The following WIPF2 variants were observed in gnomAD, a reference collection of about 807,000 sequenced individuals.
WIPF2 encodes WAS/WASL-interacting protein family member 2.
A neutral mutation model predicts 38.8 loss-of-function variants in WIPF2; 23 were observed. The ratio of observed to expected loss-of-function variants is 0.59; its 90% CI spans 0.43 to 0.84. The LOEUF is 0.84. Ranked by LOEUF, WIPF2 falls within the 40% of genes least tolerant of loss-of-function variation. The pLI is 0.00. For missense variants in WIPF2, 574 were observed against 580.5 expected (o/e 0.99, Z 0.11); for synonymous variants, 210 against 223.2 (o/e 0.94, Z 0.53).
intron 2 of WIPF2, among the ~76,000 whole-genome samples, chr17:40,259,404 C>T (rs1273584598): frequency 6.7e-6 from 1 of 150,050 alleles, no homozygotes; most frequent in African/African-American, 2.5e-5. Context: ...CACTGTGCTC[C>T]AGCCTGGATG....
chr17:40,221,597 T>A (rs2030242393), intron 1 of WIPF2, among the ~76,000 whole-genome samples: 2 of 150,782 alleles, frequency 1.3e-5, no homozygotes, highest in African/African-American at 4.9e-5. Context: ...GTTTGTTTGT[T>A]TAAGACGGAG....
intron 1 of WIPF2, chr17:40,220,618 T>TATATATATATAC (rs2030182395): frequency 8.9e-6 from 1 of 112,666 alleles, no homozygotes; most frequent in Non-Finnish European, 1.8e-5. Flanking sequence ...TATATATATA[T>TATATATATATAC]GTATATATAT....
intron 1 of WIPF2, among the ~76,000 whole-genome samples, chr17:40,231,485 GC>G (rs2145291489): frequency 6.6e-6 from 1 of 150,592 alleles, no homozygotes; most frequent in African/African-American, 2.4e-5. Flanking sequence ...GAGTGCAGTG[GC>G]ACGATCTCAG....
intron 1 of WIPF2, among the ~76,000 whole-genome samples, chr17:40,247,498 C>T (rs531645636): frequency 1.0e-4 from 15 of 149,072 alleles, no homozygotes; most frequent in African/African-American, 3.0e-4. Context: ...GGATTACGGG[C>T]GTGAGCCAAC....
intron 1 of WIPF2, among the ~76,000 whole-genome samples, chr17:40,242,895 A>AT (rs1358956548): frequency 6.6e-6 from 1 of 151,828 alleles, no homozygotes; most frequent in Non-Finnish European, 1.5e-5. Context: ...GGATAATGAG[A>AT]TTTTTTCTTT....
chr17:40,261,985 C>T (rs560039353), intron 3 of WIPF2, among the ~76,000 whole-genome samples: 149 of 151,904 alleles, frequency 9.8e-4, no homozygotes, highest in Middle Eastern at 3.4e-3. Flanking sequence ...TGGCTTCACT[C>T]GTTCTTTCTC....
At chr17:40,223,320 G>A (rs1038658644) in intron 1 of WIPF2, among the ~76,000 whole-genome samples, 8 of 152,000 alleles carry the variant, frequency 5.3e-5, no homozygotes, top group Admixed American at 5.2e-4. Flanking sequence ...TGTATTTTTA[G>A]TAGAGACAGG....
At chr17:40,232,381 G>T (rs924298471) in intron 1 of WIPF2, among the ~76,000 whole-genome samples, 1 of 151,056 alleles carries the variant, frequency 6.6e-6, no homozygotes, top group Non-Finnish European at 1.5e-5. Context: ...GTAGAGACAG[G>T]GTTTCACCAT....
At chr17:40,259,363 A>G (rs985322623) in intron 2 of WIPF2, among the ~76,000 whole-genome samples, 3 of 151,022 alleles carry the variant, frequency 2.0e-5, no homozygotes, top group African/African-American at 7.3e-5. Context: ...GGAACCCAGG[A>G]GGTGGAGCTT....
Position 40,237,376 on chromosome 17 carries a change from G to A in WIPF2, c.-70+17884G>A, listed in dbSNP as rs574388885. 1.0e-3 allele frequency among the ~76,000 whole-genome samples: 154 copies of A among 151,740 alleles called. 1 individual carries two copies. The highest frequency in any genetic ancestry group is 3.6e-3 in the African/African-American group (150 of 41,404). ...CTGCCTCAGCCTCCTAAGTAGCTAG[G>A]ATTACAGGCGTGCGCCACAACGCCC... On this transcript the variant is annotated intron_variant, in intron 1 of 7. Coordinates refer to ENST00000323571, the MANE Select transcript of WIPF2 (RefSeq NM_133264.5).
intron 1 of WIPF2, among the ~76,000 whole-genome samples, chr17:40,222,701 G>A (rs71371412): frequency 3.0e-5 from 3 of 100,774 alleles, no homozygotes; most frequent in Non-Finnish European, 5.4e-5. Context: ...ACAGAGTTTC[G>A]CTCCTGCTGC....
rs930602459 is a variant in WIPF2, at chr17:40,219,394, G to GCGGCGGCGA, written c.-163_-162insGCGACGGCG. 20 of 416,582 alleles carry GCGGCGGCGA rather than the reference G, an allele frequency of 4.8e-5. No individual in the cohort carries two copies. The highest frequency in any genetic ancestry group is 1.1e-4 in the Admixed American group (3 of 26,546). The allele number at this position is 416,582 out of a possible 1,614,324, so 25.8% of individuals were successfully genotyped here. On this transcript the variant is annotated 5_prime_UTR_variant, in exon 1 of 8. Coordinates refer to ENST00000323571, the MANE Select transcript of WIPF2 (RefSeq NM_133264.5). ...GGCGGCGGCGGCGGCGGCGGCGGCG[G>GCGGCGGCGA]CGGCGACGGCGAGAAAGAGCTTGCC...
rs142602525 is a variant in WIPF2 at position 40,257,135 on chromosome 17, C to T, written c.63+613C>T. Among the ~76,000 whole-genome samples the T allele has an allele frequency of 2.7e-3, 412 of 152,158 alleles. 2 individuals are homozygous for T. The highest frequency in any genetic ancestry group is 9.3e-3 in the African/African-American group (388 of 41,516). The stretch of plus-strand genomic sequence containing the variant: ...CTGGGATTACAGGCACGCGCCACCA[C>T]GCCTGGCTAAGTTTTATATTTTTAG... On this transcript the variant is annotated intron_variant, in intron 2 of 7. Transcript: ENST00000323571.
rs528401568 is a variant in WIPF2 at position 40,277,723 on chromosome 17, C to CTTTTTTTTTTTT, written c.1283-454_1283-443dup. On this transcript the variant is annotated intron_variant, in intron 7 of 7. Coordinates refer to ENST00000323571, the MANE Select transcript of WIPF2 (RefSeq NM_133264.5). ...ATTGCTTCTCATCATCTTCGTTGTC[C>CTTTTTTTTTTTT]TTTTTTTTTTTTTTTTTTTGAGATA... 1.8e-4 allele frequency among the ~76,000 whole-genome samples: 18 copies of CTTTTTTTTTTTT among 97,604 alleles called. 2 individuals carry two copies. Among genetic ancestry groups the CTTTTTTTTTTTT allele is most frequent in the African/African-American group, 7.8e-4 (14 of 17,934 alleles). The allele number at this position is 97,604 out of a possible 152,430, so 64.0% of individuals were successfully genotyped here. A position where few individuals can be genotyped will look rare whatever the true frequency, so the allele number is the denominator to read the frequency against.
At position 40,250,217 on chromosome 17, in the gene WIPF2, ATG is replaced by A. The variant is rs1432058610; in HGVS notation, c.-69-6172_-69-6171del. Among the ~76,000 whole-genome samples, 13 of 80,304 alleles carry A rather than the reference ATG, an allele frequency of 1.6e-4. 1 individual carries two copies. The highest frequency in any genetic ancestry group is 6.0e-4 in the African/African-American group (12 of 20,160). 52.7% of individuals were successfully genotyped at this position (80,304 alleles called of 152,430 possible). A position where few individuals can be genotyped will look rare whatever the true frequency, so the allele number is the denominator to read the frequency against. The stretch of plus-strand genomic sequence containing the variant: ...GAGGATGTGCAAAGCGAATTTTATC[ATG>A]TTTTTTTTTTTTTTTTTTTTTTTTT... On this transcript the variant is annotated intron_variant, in intron 1 of 7. Coordinates refer to ENST00000323571, the MANE Select transcript of WIPF2 (RefSeq NM_133264.5).
intron 1 of WIPF2, among the ~76,000 whole-genome samples, chr17:40,222,654 G>GTTTTTTTTTT (rs58758484): frequency 1.9e-5 from 1 of 52,822 alleles, no homozygotes; most frequent in Admixed American, 2.7e-4. Flanking sequence ...TGCATATTCA[G>GTTTTTTTTTT]TTTTTTTTTT....
rs185710213 is a variant in WIPF2 at position 40,272,340 on chromosome 17, G to T, written c.971-1450G>T. 3.3e-5 allele frequency among the ~76,000 whole-genome samples: 5 copies of T among 152,106 alleles called. No homozygotes were observed. In the South Asian group the frequency reaches 8.3e-4, roughly 25 times the overall value. On this transcript the variant is annotated intron_variant, in intron 5 of 7. Coordinates refer to ENST00000323571, the MANE Select transcript of WIPF2 (RefSeq NM_133264.5). ...GGCATAGGTATGAATATTTTCATTG[G>T]TGATGGTGGTGGGGCGACCTCAGAA...
chr17:40,252,832 C>T (rs561137375), intron 1 of WIPF2, among the ~76,000 whole-genome samples: 116 of 151,336 alleles, frequency 7.7e-4, no homozygotes, highest in African/African-American at 2.7e-3. Context: ...GGCGCGATCT[C>T]GGCTCACCAC....
chr17:40,220,065 A>T (rs553522572), intron 1 of WIPF2: 3 of 152,280 alleles, frequency 2.0e-5, no homozygotes, highest in African/African-American at 7.2e-5. Flanking sequence ...GGTTGGATTG[A>T]GAATGTTAAG....
Sources: allele counts gnomAD v4.1 joint callset (sites outside exome capture counted in the v4.1 genomes callset), GRCh38; gene constraint gnomAD v4.1.1; transcripts MANE v1.5; gene names NCBI Gene and HGNC (gene_info 2026-07-23, HGNC 2026-07-21).